Variants in KIRREL1 observed in about 807,000 individuals in gnomAD.
KIRREL1 encodes kin of IRRE-like protein 1.
Under a neutral mutation model 83.3 loss-of-function variants are expected in KIRREL1, and 25 were observed. The ratio of observed to expected loss-of-function variants is 0.30; its 90% CI spans 0.22 to 0.42. KIRREL1 has a LOEUF of 0.42. KIRREL1 is among the 10% of genes least tolerant of loss of function. KIRREL1 has a pLI of 1.00. For missense variants in KIRREL1, 812 were observed against 1,032.3 expected, an observed-to-expected ratio of 0.79 and a Z score of 2.92; for synonymous variants, 388 against 410.4, an observed-to-expected ratio of 0.95 and a Z score of 0.66.
chr1:158,067,760 CA>C (rs1661393555), intron 1 of KIRREL1, among the ~76,000 whole-genome samples: 1 of 152,208 alleles, frequency 6.6e-6, no homozygotes, highest in Non-Finnish European at 1.5e-5. Context: ...TTGCATTTTT[CA>C]GGGCTCTGTT....
chr1:158,039,187 A>G (rs758083261), intron 1 of KIRREL1, among the ~76,000 whole-genome samples: 1 of 152,212 alleles, frequency 6.6e-6, no homozygotes, highest in Non-Finnish European at 1.5e-5. Flanking sequence ...ATTTTGCATC[A>G]TAAATGCCTG....
rs11430850 is a variant in KIRREL1 at position 158,092,345 on chromosome 1, CT to C, written c.1471+809del. 4.8e-3 allele frequency among the ~76,000 whole-genome samples: 531 copies of C among 110,884 alleles called. 4 individuals carry two copies. The highest frequency in any genetic ancestry group is 0.016 in the African/African-American group (464 of 28,518). 72.7% of individuals were successfully genotyped at this position (110,884 alleles called of 152,430 possible). A position where few individuals can be genotyped will look rare whatever the true frequency, so the allele number is the denominator to read the frequency against. On this transcript the variant is annotated intron_variant, in intron 11 of 14. Coordinates refer to ENST00000359209, the MANE Select transcript of KIRREL1 (RefSeq NM_018240.7). ...AATGACAGCATCCCATCACTTCAGTCTTTTTTTTTTTTTTTTTTTTGAGATG... is the reference window on the plus strand; with the variant it reads ...AATGACAGCATCCCATCACTTCAGTCTTTTTTTTTTTTTTTTTTTGAGATG...
intron 1 of KIRREL1, among the ~76,000 whole-genome samples, chr1:158,035,328 G>A (rs953745250): frequency 2.0e-5 from 3 of 152,160 alleles, no homozygotes; most frequent in African/African-American, 7.2e-5. Context: ...GTAAAGTTGC[G>A]ACTGCCCTCA....
At chr1:158,045,117 G>A (rs916376846) in intron 1 of KIRREL1, among the ~76,000 whole-genome samples, 5 of 152,202 alleles carry the variant, frequency 3.3e-5, no homozygotes, top group African/African-American at 1.2e-4. Context: ...AATGCACCTG[G>A]TGTGTTTGAG....
chr1:158,063,642 CAGGCTGAACTGTTTCT>C (rs1301852578), intron 1 of KIRREL1, among the ~76,000 whole-genome samples: 2 of 152,250 alleles, frequency 1.3e-5, no homozygotes, highest in African/African-American at 2.4e-5. Flanking sequence ...ACATACCAGC[CAGGCTGAACTGTTTCT>C]AGGATCCTAA....
At chr1:158,087,585 C>T (rs1254431703) in intron 5 of KIRREL1, among the ~76,000 whole-genome samples, 170 bp from the exon 6 acceptor site, 1 of 152,132 alleles carries the variant, frequency 6.6e-6, no homozygotes, top group African/African-American at 2.4e-5. Context: ...CCCCTAGAGG[C>T]TCCATGTGCA....
chr1:158,058,112 G>A (rs751035913), intron 1 of KIRREL1, among the ~76,000 whole-genome samples: 7 of 152,172 alleles, frequency 4.6e-5, no homozygotes, highest in Non-Finnish European at 5.9e-5. Context: ...CTTCAGCTGC[G>A]TCTGTGGCCT....
intron 1 of KIRREL1, among the ~76,000 whole-genome samples, chr1:158,068,488 C>T (rs1570972619): frequency 6.6e-6 from 1 of 152,208 alleles, no homozygotes; most frequent in East Asian, 1.9e-4. Context: ...CCAGACCCCT[C>T]ATCCGCAGTA....
intron 1 of KIRREL1, among the ~76,000 whole-genome samples, chr1:158,031,589 G>T (rs1053049864): frequency 5.3e-5 from 8 of 152,200 alleles, no homozygotes; most frequent in Non-Finnish European, 7.3e-5. Context: ...GATGCAGTAG[G>T]TACTCAATAC....
At chr1:158,061,519 G>A (rs1046923563) in intron 1 of KIRREL1, among the ~76,000 whole-genome samples, 1 of 152,148 alleles carries the variant, frequency 6.6e-6, no homozygotes, top group African/African-American at 2.4e-5. Flanking sequence ...TGGATGTGGG[G>A]TATCCTCTTT....
At chr1:157,995,046 A>G (rs1571519872) in intron 1 of KIRREL1, among the ~76,000 whole-genome samples, 1 of 152,254 alleles carries the variant, frequency 6.6e-6, no homozygotes, top group East Asian at 1.9e-4. Flanking sequence ...AGATGTACAG[A>G]CTGCAGATGG....
chr1:158,061,491 C>T (rs538307091), intron 1 of KIRREL1, among the ~76,000 whole-genome samples: 1 of 152,112 alleles, frequency 6.6e-6, no homozygotes, highest in South Asian at 2.1e-4. Context: ...GCTGCTTTCT[C>T]AAGGTTTCTC....
chr1:158,060,308 C>T (rs1661179256), intron 1 of KIRREL1, among the ~76,000 whole-genome samples: 1 of 152,204 alleles, frequency 6.6e-6, no homozygotes, highest in Non-Finnish European at 1.5e-5. Context: ...CTCAATCTCC[C>T]TGTCTGTAGC....
At chr1:158,055,889 G>A (rs1009598980) in intron 1 of KIRREL1, among the ~76,000 whole-genome samples, 2 of 152,232 alleles carry the variant, frequency 1.3e-5, no homozygotes, top group Non-Finnish European at 2.9e-5. Context: ...AAGGCCTGGG[G>A]TTGTGGTCCC....
At chr1:158,067,364 C>T (rs1661383208) in intron 1 of KIRREL1, among the ~76,000 whole-genome samples, 1 of 152,186 alleles carries the variant, frequency 6.6e-6, no homozygotes, top group African/African-American at 2.4e-5. Flanking sequence ...TGACACACAC[C>T]CACAGACCTC....
At chr1:158,048,576 A>C (rs1050584655) in intron 1 of KIRREL1, among the ~76,000 whole-genome samples, 1 of 152,244 alleles carries the variant, frequency 6.6e-6, no homozygotes, top group African/African-American at 2.4e-5. Context: ...CAAAGTTGGA[A>C]GAGACCGTGG....
chr1:158,060,099 T>C (rs1048583202), intron 1 of KIRREL1, among the ~76,000 whole-genome samples: 1 of 152,208 alleles, frequency 6.6e-6, no homozygotes, highest in Non-Finnish European at 1.5e-5. Flanking sequence ...TAAGGCTTCC[T>C]GGACTTACTG....
rs1353685588 is a variant in KIRREL1, at chr1:158,094,517, AGAG to A, written c.1798-122_1798-120del. The A allele has an allele frequency of 7.1e-6, 9 of 1,267,192 alleles. No individual in the cohort carries two copies. The highest frequency in any genetic ancestry group is 1.5e-5 in the African/African-American group (1 of 68,120). 78.5% of individuals were successfully genotyped at this position (1,267,192 alleles called of 1,614,324 possible). A position where few individuals can be genotyped will look rare whatever the true frequency, so the allele number is the denominator to read the frequency against. On this transcript the variant is annotated intron_variant, in intron 14 of 14. Coordinates refer to ENST00000359209, the MANE Select transcript of KIRREL1 (RefSeq NM_018240.7). The surrounding 1 kb of genome is among the most constrained non-coding windows in gnomAD (Gnocchi z 4.6). ...TGGTTGGGAGGGTTTTTGAAGGAGC[AGAG>A]GAGGTGGAATGCTAGATGGGGACAT...
intron 1 of KIRREL1, among the ~76,000 whole-genome samples, chr1:158,014,610 G>C (rs530868518): frequency 4.9e-5 from 7 of 144,190 alleles, no homozygotes; most frequent in Non-Finnish European, 1.1e-4. Flanking sequence ...TGCTTACTCC[G>C]GTCCCAGTCC....
Sources: allele counts gnomAD v4.1 joint callset (sites outside exome capture counted in the v4.1 genomes callset), GRCh38; gene constraint gnomAD v4.1.1; non-coding constraint Gnocchi (gnomAD v3.1); transcripts MANE v1.5; gene names NCBI Gene and HGNC (gene_info 2026-07-23, HGNC 2026-07-21).